CDK5RAP2: variants seen among roughly 807,000 people sequenced by gnomAD.
The protein encoded by CDK5RAP2 is CDK5 regulatory subunit associated protein 2.
A neutral mutation model predicts 232.9 loss-of-function variants in CDK5RAP2; 147 were observed. The observed-to-expected ratio is 0.63, with a 90% CI of 0.55 to 0.72. The LOEUF is 0.72. CDK5RAP2 is among the 30% of genes least tolerant of loss of function. The probability of loss-of-function intolerance (pLI) is 0.00; values close to 1 mark genes in which losing one functional copy is unlikely to be tolerated. For missense variants in CDK5RAP2, 2,195 were observed against 2,231.5 expected, an observed-to-expected ratio of 0.98 and a Z score of 0.33; for synonymous variants, 833 against 833.7, an observed-to-expected ratio of 1.00 and a Z score of 0.01.
chr9:120,570,787 C>T (rs1159113327), intron 2 of CDK5RAP2, among the ~76,000 whole-genome samples: 2 of 151,680 alleles, frequency 1.3e-5, no homozygotes, highest in Admixed American at 6.6e-5. Context: ...TGCAGTGAGC[C>T]GAGATCACAC....
intron 27 of CDK5RAP2, among the ~76,000 whole-genome samples, chr9:120,415,941 G>A (rs2034187024): frequency 6.6e-6 from 1 of 151,986 alleles, no homozygotes; most frequent in South Asian, 2.1e-4. Context: ...GTATTACATA[G>A]CTATTAAAAT....
At position 120,503,296 on chromosome 9, in the gene CDK5RAP2, C is replaced by T. The variant is rs193019688; in HGVS notation, c.1312-11819G>A. Among the ~76,000 whole-genome samples the T allele has an allele frequency of 1.3e-3, 203 of 152,322 alleles. 1 individual carries two copies. The highest frequency in any genetic ancestry group is 2.5e-3 in the Non-Finnish European group (168 of 68,030). On this transcript the variant is annotated intron_variant, in intron 12 of 37. Coordinates refer to ENST00000349780, the MANE Select transcript of CDK5RAP2 (RefSeq NM_018249.6). ...ATGGGGCAGAACCAAGCACCTTCAA[C>T]CTCATATGAAGAGCAGTCAAAGAAA... is the stretch of plus-strand genomic sequence containing the variant.
intron 35 of CDK5RAP2, among the ~76,000 whole-genome samples, chr9:120,400,504 G>A (rs763545386): frequency 5.3e-5 from 8 of 152,200 alleles, no homozygotes; most frequent in Non-Finnish European, 1.2e-4. Flanking sequence ...TCCCTCATGT[G>A]TAGAATGCGG....
At chr9:120,543,297 C>T (rs1442608095) in intron 5 of CDK5RAP2, among the ~76,000 whole-genome samples, 1 of 152,204 alleles carries the variant, frequency 6.6e-6, no homozygotes, top group East Asian at 1.9e-4. Flanking sequence ...ACTTTCCACC[C>T]AGCATCCAGA....
chr9:120,517,750 AT>A, intron 12 of CDK5RAP2: 1 of 222,836 alleles, frequency 4.5e-6, no homozygotes, highest in Admixed American at 4.9e-5. Flanking sequence ...TGGCCCAGTT[AT>A]TATACCTCTA....
At position 120,572,143 on chromosome 9, in the gene CDK5RAP2, G is replaced by C. The variant is rs545092963; in HGVS notation, c.60-102C>G. 6 of 920,424 alleles carry C rather than the reference G, an allele frequency of 6.5e-6. No individual in the cohort carries two copies. In the East Asian group the frequency reaches 1.5e-4, roughly 22 times the overall value. 57.0% of individuals were successfully genotyped at this position (920,424 alleles called of 1,614,324 possible). On this transcript the variant is annotated intron_variant, in intron 1 of 37. Coordinates refer to ENST00000349780, the MANE Select transcript of CDK5RAP2 (RefSeq NM_018249.6). The stretch of plus-strand genomic sequence containing the variant: ...ATGACAATCATCCCATGGCCAGGAG[G>C]GATGCACACAGCTGGGCTACCTATG...
chr9:120,456,818 A>G (rs532113016), intron 20 of CDK5RAP2, among the ~76,000 whole-genome samples: 41 of 152,356 alleles, frequency 2.7e-4, no homozygotes, highest in African/African-American at 8.4e-4. Context: ...ACAAATGGGT[A>G]GTAAAAGGTG....
In CDK5RAP2 at chr9:120,453,686, C is replaced by T. The variant is rs551840351; in HGVS notation, c.2563G>A (p.Ala855Thr). ...PHDELKLSCE[A>T]QLVKAGEVPK... ...ACTTCGCCTGCCTTTACTAGCTGGGCCTCACAAGACAACTTCAGTTCATCA... is the reference window on the plus strand; with the variant it reads ...ACTTCGCCTGCCTTTACTAGCTGGGTCTCACAAGACAACTTCAGTTCATCA... Residue 855 changes from alanine to threonine, a missense_variant, in exon 21 of 38, where the codon GCC becomes ACC. Coordinates refer to ENST00000349780, the MANE Select transcript of CDK5RAP2 (RefSeq NM_018249.6). 1.2e-6 allele frequency: 2 copies of T among 1,614,150 alleles called. No homozygotes were observed. Among genetic ancestry groups the T allele is most frequent in the South Asian group, 2.2e-5 (2 of 91,078 alleles).
chr9:120,519,425 T>A (rs947897818), intron 11 of CDK5RAP2, among the ~76,000 whole-genome samples: 1 of 151,602 alleles, frequency 6.6e-6, no homozygotes, highest in African/African-American at 2.4e-5. Flanking sequence ...CATTTGTCTT[T>A]AAAAAAATAA....
At chr9:120,420,079 C>T in intron 26 of CDK5RAP2, 119 bp from the exon 27 acceptor site, 3 of 789,082 alleles carry the variant, frequency 3.8e-6, no homozygotes, top group Non-Finnish European at 6.6e-6. Flanking sequence ...TTTGCAACTT[C>T]AGTCAGACCT....
intron 21 of CDK5RAP2, among the ~76,000 whole-genome samples, chr9:120,448,537 G>A (rs914637072): frequency 6.6e-6 from 1 of 152,112 alleles, no homozygotes; most frequent in Non-Finnish European, 1.5e-5. Context: ...TTACTTTGGT[G>A]GCTACTAAGT....
intron 12 of CDK5RAP2, among the ~76,000 whole-genome samples, chr9:120,503,955 C>CAA (rs2039693441): frequency 6.6e-6 from 1 of 152,146 alleles, no homozygotes; most frequent in Non-Finnish European, 1.5e-5. Flanking sequence ...GCCCTCAACA[C>CAA]AGAGCACCTG....
chr9:120,535,054 G>C (rs1230475782), intron 7 of CDK5RAP2, among the ~76,000 whole-genome samples: 2 of 152,242 alleles, frequency 1.3e-5, no homozygotes, highest in Admixed American at 1.3e-4. Flanking sequence ...AACACAAGGT[G>C]TCAAATGGGT....
At chr9:120,453,351 C>A in intron 21 of CDK5RAP2, 105 bp downstream of exon 21, 1 of 1,050,000 alleles carries the variant, frequency 9.5e-7, no homozygotes, top group South Asian at 1.6e-5. Flanking sequence ...AGACACTGGA[C>A]ATTCTTGTCA....
intron 4 of CDK5RAP2, among the ~76,000 whole-genome samples, chr9:120,548,882 C>T (rs2041949423): frequency 2.6e-5 from 4 of 152,104 alleles, no homozygotes; most frequent in South Asian, 2.1e-4. Flanking sequence ...TAAGGCGAGG[C>T]GCAGTGCCTC....
intron 5 of CDK5RAP2, among the ~76,000 whole-genome samples, chr9:120,545,005 G>A (rs534025846): frequency 3.9e-5 from 6 of 152,202 alleles, no homozygotes; most frequent in African/African-American, 1.4e-4. Flanking sequence ...GACTGTATTT[G>A]CTGAACTGTG....
At chr9:120,470,081 G>GAAAAGC in intron 17 of CDK5RAP2, 30 bp downstream of exon 17, 1 of 1,106,748 alleles carries the variant, frequency 9.0e-7, no homozygotes, top group Non-Finnish European at 1.4e-6. Flanking sequence ...AAAAAGAAAA[G>GAAAAGC]AAAAGCACTA....
rs777560122 is a variant in CDK5RAP2 at position 120,389,308 on chromosome 9, A to C, written c.5626-16T>G. ...CAGGCCTAAGCTAGGAAAAGGAAGAAAAAAAAGGAGAATTTTAAGTCCAAA... is the reference window on the plus strand; with the variant it reads ...CAGGCCTAAGCTAGGAAAAGGAAGACAAAAAAGGAGAATTTTAAGTCCAAA... On this transcript the variant is annotated splice_polypyrimidine_tract_variant and intron_variant, in intron 37 of 37. Transcript: ENST00000349780. 2 of 1,608,570 alleles carry C rather than the reference A, an allele frequency of 1.2e-6. No individual in the cohort carries two copies. The highest frequency in any genetic ancestry group is 1.7e-6 in the Non-Finnish European group (2 of 1,176,770).
chr9:120,432,864 G>A (rs893932905), intron 25 of CDK5RAP2, among the ~76,000 whole-genome samples: 2 of 152,178 alleles, frequency 1.3e-5, no homozygotes, highest in African/African-American at 4.8e-5. Context: ...AGAAGAGGCC[G>A]ACAGAAAATG....
Sources: allele counts gnomAD v4.1 joint callset (sites outside exome capture counted in the v4.1 genomes callset), GRCh38; gene constraint gnomAD v4.1.1; transcripts MANE v1.5; gene names NCBI Gene and HGNC (gene_info 2026-07-23, HGNC 2026-07-21).